Variants in HTR7 observed in about 807,000 individuals in gnomAD.
The protein encoded by HTR7 is 5-HT-7.
In HTR7, 16 loss-of-function variants were observed where a neutral mutation model predicts 34.0. The ratio of observed to expected loss-of-function variants is 0.47; its 90% confidence interval spans 0.32 to 0.71. The LOEUF is 0.71. Among genes scored for constraint, HTR7 ranks in the 30% least tolerant of loss-of-function variants. HTR7 has a pLI of 0.04. For synonymous variants in HTR7, 265 were observed against 260.2 expected, an observed-to-expected ratio of 1.02 and a Z score of -0.18; for missense variants, 504 against 625.5, an observed-to-expected ratio of 0.81 and a Z score of 2.07.
Position 90,845,692 on chromosome 10 carries a change from A to G in HTR7, c.539+11441T>C, listed in dbSNP as rs117880345. On this transcript the variant is annotated intron_variant, in intron 1 of 3. Transcript: ENST00000336152. The stretch of plus-strand genomic sequence containing the variant: ...AGCATGACCCAGTGACACTCTCACA[A>G]TGAAGTTTTAGAAAGTGTAGGTGGT... Among the ~76,000 whole-genome samples, 424 of 152,322 alleles carry G rather than the reference A, an allele frequency of 2.8e-3. 2 individuals are homozygous for G. The highest frequency in any genetic ancestry group is 6.8e-3 in the Middle Eastern group (2 of 294).
intron 2 of HTR7, among the ~76,000 whole-genome samples, chr10:90,747,717 T>G (rs1220828843): frequency 6.6e-6 from 1 of 152,194 alleles, no homozygotes; most frequent in Non-Finnish European, 1.5e-5. Flanking sequence ...GGTCCCTCTC[T>G]GCTAGAGTGG....
chr10:90,848,454 TA>T (rs1487631658), intron 1 of HTR7, among the ~76,000 whole-genome samples: 1 of 152,232 alleles, frequency 6.6e-6, no homozygotes, highest in African/African-American at 2.4e-5. Context: ...TTTGTCTATT[TA>T]AAATTTTTAT....
intron 1 of HTR7, among the ~76,000 whole-genome samples, chr10:90,829,735 C>G (rs534834374): frequency 6.6e-5 from 10 of 152,184 alleles, no homozygotes; most frequent in Admixed American, 6.5e-4. Context: ...AAACTCCACA[C>G]GCAAAACAAA....
chr10:90,789,960 C>G (rs922466047), intron 1 of HTR7, among the ~76,000 whole-genome samples: 1 of 152,078 alleles, frequency 6.6e-6, no homozygotes, highest in African/African-American at 2.4e-5. Context: ...AAGATTCATT[C>G]ATTTCATTAT....
chr10:90,832,672 C>A (rs1846196984), intron 1 of HTR7, among the ~76,000 whole-genome samples: 1 of 152,208 alleles, frequency 6.6e-6, no homozygotes, highest in African/African-American at 2.4e-5. Flanking sequence ...CCAGAATGGG[C>A]ACCGAGGCCA....
At chr10:90,809,931 C>A (rs779211731) in intron 1 of HTR7, among the ~76,000 whole-genome samples, 4 of 152,208 alleles carry the variant, frequency 2.6e-5, no homozygotes, top group African/African-American at 9.6e-5. Flanking sequence ...GCCCCCTAGA[C>A]CATCACGGAC....
intron 1 of HTR7, among the ~76,000 whole-genome samples, chr10:90,813,767 T>G (rs561424842): frequency 9.7e-4 from 148 of 152,268 alleles, no homozygotes; most frequent in African/African-American, 3.3e-3. Context: ...TCCCTTCTCC[T>G]TGCCAAACCA....
intron 1 of HTR7, among the ~76,000 whole-genome samples, chr10:90,775,797 CACTG>C (rs1346364773): frequency 5.3e-5 from 8 of 152,176 alleles, no homozygotes; most frequent in African/African-American, 1.9e-4. Flanking sequence ...GCTTTCTATT[CACTG>C]ACTTTCTTCT....
intron 1 of HTR7, among the ~76,000 whole-genome samples, chr10:90,809,913 C>T (rs1589460561): frequency 6.6e-6 from 1 of 152,342 alleles, no homozygotes; most frequent in South Asian, 2.1e-4. Context: ...TGCCTGATCA[C>T]CTCGGAAGCC....
chr10:90,857,538 G>A lies in HTR7; in HGVS notation c.134C>T (p.Ala45Val). Residue 45 changes from alanine to valine, a missense_variant, in exon 1 of 4, where the codon GCG becomes GTG. Coordinates refer to ENST00000336152, the MANE Select transcript of HTR7 (RefSeq NM_019859.4). The surrounding 1 kb of genome is among the most constrained non-coding windows in gnomAD (Gnocchi z 6.5). ...TGTCACCTCGCTCAGCAGGTGCGGCGCCCAGGAGCCCGCGACCGGGTCGGC... is the reference window on the plus strand; with the variant it reads ...TGTCACCTCGCTCAGCAGGTGCGGCACCCAGGAGCCCGCGACCGGGTCGGC... ...GGADPVAGSW[A>V]PHLLSEVTAS... 6.2e-7 allele frequency: 1 copy of A among 1,603,236 alleles called. No homozygotes were observed. Among genetic ancestry groups the A allele is most frequent in the South Asian group, 1.1e-5 (1 of 90,366 alleles).
At chr10:90,804,480 T>G (rs1160656094) in intron 1 of HTR7, among the ~76,000 whole-genome samples, 1 of 152,184 alleles carries the variant, frequency 6.6e-6, no homozygotes, top group African/African-American at 2.4e-5. Context: ...ACGGGTTCAT[T>G]CCTGCCAGCG....
intron 1 of HTR7, among the ~76,000 whole-genome samples, chr10:90,840,767 T>C (rs1283779407): frequency 6.6e-6 from 1 of 152,172 alleles, no homozygotes; most frequent in Non-Finnish European, 1.5e-5. Context: ...ACCAACCCAA[T>C]TAACTATCAC....
chr10:90,745,967 C>CA (rs1237730032), intron 2 of HTR7, among the ~76,000 whole-genome samples: 7 of 152,170 alleles, frequency 4.6e-5, no homozygotes, highest in African/African-American at 1.7e-4. Context: ...GCTAAAGATA[C>CA]AAAGGCAAAT....
chr10:90,806,239 G>T (rs560228561), intron 1 of HTR7, among the ~76,000 whole-genome samples: 1 of 152,258 alleles, frequency 6.6e-6, no homozygotes, highest in African/African-American at 2.4e-5. Flanking sequence ...AGGATAAAAG[G>T]GTAGGGAATG....
chr10:90,841,371 A>C (rs1589478061), intron 1 of HTR7, among the ~76,000 whole-genome samples: 1 of 152,142 alleles, frequency 6.6e-6, no homozygotes, highest in Non-Finnish European at 1.5e-5. Flanking sequence ...AAACAACAAA[A>C]ATTTTTTATC....
chr10:90,793,035 C>CA (rs1158492719), intron 1 of HTR7, among the ~76,000 whole-genome samples: 1 of 151,892 alleles, frequency 6.6e-6, no homozygotes, highest in Non-Finnish European at 1.5e-5. Context: ...GCAGCAAAAG[C>CA]AAAAAATTAA....
intron 2 of HTR7, 51 bp downstream of exon 2, chr10:90,748,788 T>C (rs1442998849): frequency 1.3e-6 from 2 of 1,530,852 alleles, no homozygotes; most frequent in Non-Finnish European, 8.8e-7. Flanking sequence ...CTCAAAAAGC[T>C]GCATAAAAGG....
intron 1 of HTR7, among the ~76,000 whole-genome samples, chr10:90,802,917 T>C (rs924909499): frequency 6.6e-6 from 1 of 151,874 alleles, no homozygotes; most frequent in African/African-American, 2.4e-5. Flanking sequence ...GGCCTTTGTG[T>C]GTAGATGACC....
intron 1 of HTR7, among the ~76,000 whole-genome samples, chr10:90,760,671 G>C (rs1844920893): frequency 1.3e-5 from 2 of 152,168 alleles, no homozygotes; most frequent in African/African-American, 4.8e-5. Flanking sequence ...GCTGAGGTCA[G>C]GAGTTTGAGA....
Sources: allele counts gnomAD v4.1 joint callset (sites outside exome capture counted in the v4.1 genomes callset), GRCh38; gene constraint gnomAD v4.1.1; non-coding constraint Gnocchi (gnomAD v3.1); transcripts MANE v1.5; gene names NCBI Gene and HGNC (gene_info 2026-07-23, HGNC 2026-07-21).